CHKA: variants seen among roughly 807,000 people sequenced by gnomAD.
CHKA encodes choline kinase alpha.
Under a neutral mutation model 60.1 loss-of-function variants are expected in CHKA, and 34 were observed. The observed-to-expected ratio is 0.57, with a 90% CI of 0.43 to 0.75. The LOEUF (loss-of-function observed/expected upper bound fraction) is 0.75. Ranked by LOEUF, CHKA falls within the 30% of genes least tolerant of loss-of-function variation. CHKA has a pLI of 0.00. For missense variants in CHKA, 563 were observed against 561.3 expected, an observed-to-expected ratio of 1.00 and a Z score of -0.03; for synonymous variants, 217 against 223.1, an observed-to-expected ratio of 0.97 and a Z score of 0.24.
intron 2 of CHKA, among the ~76,000 whole-genome samples, chr11:68,093,092 C>T (rs368251834): frequency 2.6e-5 from 4 of 151,058 alleles, no homozygotes; most frequent in Non-Finnish European, 4.4e-5. Flanking sequence ...ACTGCAATCT[C>T]CACCTCCTGG....
intron 3 of CHKA, among the ~76,000 whole-genome samples, chr11:68,075,336 T>A (rs1361494528): frequency 6.6e-6 from 1 of 152,010 alleles, no homozygotes; most frequent in Admixed American, 6.6e-5. Flanking sequence ...GGTCTACGGC[T>A]TTCTAGTCCA....
At chr11:68,118,090 G>T (rs1388512607) in intron 1 of CHKA, among the ~76,000 whole-genome samples, 1 of 152,142 alleles carries the variant, frequency 6.6e-6, no homozygotes, top group African/African-American at 2.4e-5. Context: ...GAGTTGAGGT[G>T]GTGAAGTCTC....
At chr11:68,110,357 A>C (rs1858086640) in intron 1 of CHKA, among the ~76,000 whole-genome samples, 1 of 152,206 alleles carries the variant, frequency 6.6e-6, no homozygotes, top group African/African-American at 2.4e-5. Context: ...GAAAATCAGA[A>C]AGAAGTGAAA....
intron 1 of CHKA, among the ~76,000 whole-genome samples, chr11:68,098,271 CAAAAAAAAA>C (rs57972693): frequency 8.3e-5 from 10 of 120,730 alleles, no homozygotes; most frequent in Admixed American, 2.6e-4. Context: ...ACTCCTATCT[CAAAAAAAAA>C]AAAAAAAAAA....
intron 3 of CHKA, among the ~76,000 whole-genome samples, chr11:68,078,286 C>T (rs972638799): frequency 6.6e-6 from 1 of 151,960 alleles, no homozygotes; most frequent in African/African-American, 2.4e-5. Context: ...TAGAGGTTCA[C>T]AAGCCACAAC....
In CHKA at chr11:68,064,524, C is replaced by A; in HGVS notation, c.1232+1G>T. 1 of 1,454,616 alleles carries A rather than the reference C, an allele frequency of 6.9e-7. No homozygotes were observed. The highest frequency in any genetic ancestry group is 1.3e-5 in the South Asian group (1 of 78,820). The allele number at this position is 1,454,616 out of a possible 1,614,324, so 90.1% of individuals were successfully genotyped here. Reference sequence around the variant, plus strand: ...ACAAATCAAAAAAGGAAAAATGTTACCTATTAACTTCAAGCAACATTTCTT... The same window carrying A: ...ACAAATCAAAAAAGGAAAAATGTTAACTATTAACTTCAAGCAACATTTCTT... On this transcript the variant is annotated splice_donor_variant, in intron 10 of 11. Coordinates refer to ENST00000265689, the MANE Select transcript of CHKA (RefSeq NM_001277.3). LOFTEE classifies it high-confidence loss of function.
At chr11:68,119,957 G>A (rs1166915132) in intron 1 of CHKA, among the ~76,000 whole-genome samples, 1 of 152,100 alleles carries the variant, frequency 6.6e-6, no homozygotes, top group Admixed American at 6.5e-5. Flanking sequence ...GGCCGAGCGC[G>A]GTGGCTCATG....
chr11:68,102,619 A>C (rs1258664889), intron 1 of CHKA, among the ~76,000 whole-genome samples: 2 of 152,200 alleles, frequency 1.3e-5, no homozygotes, highest in Non-Finnish European at 2.9e-5. Context: ...CATAGGGAAA[A>C]AGCTTCATGA....
chr11:68,054,151 C>G (rs1855909239), intron 11 of CHKA, 104 bp from the exon 12 acceptor site: 1 of 932,984 alleles, frequency 1.1e-6, no homozygotes, highest in Admixed American at 2.1e-5. Context: ...AGGGCACGGA[C>G]CCATGAGACC....
At chr11:68,069,768 G>A (rs1590842039) in intron 6 of CHKA, among the ~76,000 whole-genome samples, 2 of 151,976 alleles carry the variant, frequency 1.3e-5, no homozygotes, top group Non-Finnish European at 2.9e-5. Context: ...GGACAATGAC[G>A]GCCTTGCTTC....
intron 2 of CHKA, among the ~76,000 whole-genome samples, chr11:68,094,978 A>C (rs1254901357): frequency 2.0e-5 from 3 of 152,220 alleles, no homozygotes; most frequent in Non-Finnish European, 4.4e-5. Context: ...CTAAACATAT[A>C]ATCAAATATC....
chr11:68,072,877 C>G (rs1363026131), intron 4 of CHKA, among the ~76,000 whole-genome samples: 2 of 152,108 alleles, frequency 1.3e-5, no homozygotes, highest in African/African-American at 4.8e-5. Context: ...CACCTGTACT[C>G]CCAGCTACCT....
chr11:68,085,867 G>A (rs1432298169), intron 2 of CHKA, among the ~76,000 whole-genome samples: 1 of 152,012 alleles, frequency 6.6e-6, no homozygotes, highest in Non-Finnish European at 1.5e-5. Context: ...GGGTTCAAGC[G>A]ATTCTCCCAC....
intron 4 of CHKA, among the ~76,000 whole-genome samples, chr11:68,073,342 T>C (rs1856683796): frequency 6.6e-6 from 1 of 152,184 alleles, no homozygotes; most frequent in Non-Finnish European, 1.5e-5. Flanking sequence ...TTCTATTATT[T>C]ACAAAATTCT....
Position 68,121,127 on chromosome 11 carries a change from C to G in CHKA, c.51G>C (p.Gly17=), listed in dbSNP as rs1858631597. 3.3e-6 allele frequency: 4 copies of G among 1,208,066 alleles called. No individual in the cohort carries two copies. Among genetic ancestry groups the G allele is most frequent in the Non-Finnish European group, 4.1e-6 (4 of 965,778 alleles). 74.8% of individuals were successfully genotyped at this position (1,208,066 alleles called of 1,614,324 possible). The change falls in exon 1 of 12, where the codon GGG becomes GGC. Residue 17 remains glycine (G), a synonymous_variant. Transcript: ENST00000265689. ...TGCCGCTACCGCAGCTCAGCAGCAGCCCGAGCGGCGAGGGCTCCGCCTCGC... is the reference window on the plus strand; with the variant it reads ...TGCCGCTACCGCAGCTCAGCAGCAGGCCGAGCGGCGAGGGCTCCGCCTCGC... ...TGGEAEPSPL[G]LLLSCGSGSA... is the part of the protein sequence containing the mutation.
chr11:68,112,416 C>A (rs1451458243), intron 1 of CHKA, among the ~76,000 whole-genome samples: 1 of 152,204 alleles, frequency 6.6e-6, no homozygotes, highest in Non-Finnish European at 1.5e-5. Flanking sequence ...CACGACTACA[C>A]CAGACTAATT....
rs112125098 is a variant in CHKA at position 68,078,519 on chromosome 11, C to T, written c.516+2885G>A. Among the ~76,000 whole-genome samples the T allele has an allele frequency of 3.9e-5, 6 of 152,104 alleles. No individual in the cohort carries two copies. The East Asian group carries it at 5.8e-4, about 15-fold the overall frequency. ...GGAGCATGTGAAGAGTGAACAGAAA[C>T]GGGAGAGAGAAGTGGTTGAGAATGG... is the stretch of plus-strand genomic sequence containing the variant. On this transcript the variant is annotated intron_variant, in intron 3 of 11. Coordinates refer to ENST00000265689, the MANE Select transcript of CHKA (RefSeq NM_001277.3).
intron 1 of CHKA, among the ~76,000 whole-genome samples, chr11:68,112,284 T>C (rs1858181203): frequency 5.5e-4 from 1 of 1,824 alleles, no homozygotes; most frequent in South Asian, 0.022. Context: ...AGACGGAGTC[T>C]CACTCTTGTC....
chr11:68,120,784 C>T, intron 1 of CHKA, 44 bp downstream of exon 1: 1 of 1,071,136 alleles, frequency 9.3e-7, no homozygotes, highest in Non-Finnish European at 1.2e-6. Context: ...CCCCGCCCCG[C>T]GTCACCTGAC....
Sources: gnomAD v4.1 joint callset for allele counts (sites outside exome capture counted in the v4.1 genomes callset) on GRCh38, gnomAD v4.1.1 for gene constraint, MANE v1.5 for transcripts, NCBI Gene and HGNC (gene_info 2026-07-23, HGNC 2026-07-21) for gene names.